DEPTOR: variants seen among roughly 807,000 people sequenced by gnomAD.
DEPTOR encodes DEP domain containing MTOR interacting protein.
Under a neutral mutation model 41.6 loss-of-function variants are expected in DEPTOR, and 41 were observed. The observed-to-expected ratio is 0.98, with a 90% CI of 0.77 to 1.28. DEPTOR has a LOEUF of 1.28. Ranked by LOEUF, DEPTOR falls within the 50% of genes most tolerant of loss-of-function variation. DEPTOR has a pLI of 0.00. For missense variants in DEPTOR, 514 were observed against 527.9 expected (o/e 0.97, Z 0.26); for synonymous variants, 195 against 192.3 (o/e 1.01, Z -0.12).
intron 8 of DEPTOR, among the ~76,000 whole-genome samples, chr8:120,028,052 A>G (rs139612904): frequency 1.6e-4 from 25 of 152,322 alleles, no homozygotes; most frequent in Non-Finnish European, 3.2e-4. Context: ...ATGTTGTTGG[A>G]TAAAGGGCTG....
chr8:120,035,084 G>A (rs140739932), intron 8 of DEPTOR, among the ~76,000 whole-genome samples: 1,605 of 152,196 alleles, frequency 0.011, 18 homozygotes, highest in Middle Eastern at 0.031. Context: ...TTGGGAGGCC[G>A]AGGCAGGCAG....
At chr8:120,048,204 G>A (rs1813182119) in intron 8 of DEPTOR, among the ~76,000 whole-genome samples, 1 of 152,150 alleles carries the variant, frequency 6.6e-6, no homozygotes, top group Non-Finnish European at 1.5e-5. Flanking sequence ...AGAAACCCCT[G>A]TATCTGTGGA....
At chr8:119,994,630 AAGTT>A (rs1812228883) in intron 4 of DEPTOR, among the ~76,000 whole-genome samples, 1 of 152,222 alleles carries the variant, frequency 6.6e-6, no homozygotes, top group Non-Finnish European at 1.5e-5. Flanking sequence ...TCTTTAAAGA[AAGTT>A]AGGCCAGGCG....
intron 1 of DEPTOR, among the ~76,000 whole-genome samples, chr8:119,897,111 G>C (rs7814293): frequency 0.024 from 3,592 of 152,232 alleles, 147 homozygotes; most frequent in African/African-American, 0.082. Flanking sequence ...TATGAGTGTA[G>C]TTGGTTATAT....
At chr8:119,953,438 C>T (rs1001191586) in intron 3 of DEPTOR, among the ~76,000 whole-genome samples, 1 of 151,982 alleles carries the variant, frequency 6.6e-6, no homozygotes, top group African/African-American at 2.4e-5. Flanking sequence ...CAAAAATTAG[C>T]TGGGCATGGT....
intron 1 of DEPTOR, among the ~76,000 whole-genome samples, chr8:119,889,496 A>T (rs1227563212): frequency 6.8e-6 from 1 of 147,966 alleles, no homozygotes; most frequent in Non-Finnish European, 1.5e-5. Flanking sequence ...GCAGTGAGCC[A>T]TGTTCGGGCT....
intron 8 of DEPTOR, among the ~76,000 whole-genome samples, chr8:120,044,023 T>C (rs1389700938): frequency 6.7e-6 from 1 of 150,176 alleles, no homozygotes; most frequent in African/African-American, 2.5e-5. Context: ...AAAAAAGAGA[T>C]TGCATTGGGG....
At chr8:119,945,392 G>T (rs76352422) in intron 3 of DEPTOR, among the ~76,000 whole-genome samples, 2,644 of 152,180 alleles carry the variant, frequency 0.017, 70 homozygotes, top group African/African-American at 0.061. Flanking sequence ...CTATGTTCTA[G>T]GCACCTTCCT....
At chr8:119,941,181 C>A (rs1359392212) in intron 3 of DEPTOR, among the ~76,000 whole-genome samples, 4 of 151,886 alleles carry the variant, frequency 2.6e-5, no homozygotes, top group Non-Finnish European at 5.9e-5. Flanking sequence ...CAAGACCAGC[C>A]TGACCAACAT....
At chr8:119,989,798 G>C (rs1216590490) in intron 4 of DEPTOR, among the ~76,000 whole-genome samples, 1 of 152,158 alleles carries the variant, frequency 6.6e-6, no homozygotes, top group Non-Finnish European at 1.5e-5. Flanking sequence ...TAATGTATTT[G>C]ATGACCTCAT....
intron 1 of DEPTOR, among the ~76,000 whole-genome samples, chr8:119,898,413 T>A (rs1351075654): frequency 2.6e-5 from 4 of 152,154 alleles, no homozygotes; most frequent in African/African-American, 9.7e-5. Context: ...TTGATTATGA[T>A]AATTTTAATT....
intron 6 of DEPTOR, among the ~76,000 whole-genome samples, chr8:120,003,354 C>T (rs944286678): frequency 1.7e-4 from 26 of 152,104 alleles, no homozygotes; most frequent in Non-Finnish European, 3.4e-4. Flanking sequence ...CTGGGATGGC[C>T]CTTCCAAGTT....
chr8:120,040,353 G>C (rs1813048019), intron 8 of DEPTOR, among the ~76,000 whole-genome samples: 1 of 151,994 alleles, frequency 6.6e-6, no homozygotes, highest in African/African-American at 2.4e-5. Context: ...GAGGCGGGCA[G>C]ATCTCGAGGT....
intron 3 of DEPTOR, among the ~76,000 whole-genome samples, chr8:119,938,539 A>G (rs1169265598): frequency 6.6e-6 from 1 of 151,952 alleles, no homozygotes; most frequent in Non-Finnish European, 1.5e-5. Flanking sequence ...TTGAGACAGA[A>G]TCTTGCTCTG....
intron 4 of DEPTOR, among the ~76,000 whole-genome samples, chr8:119,992,548 G>A (rs2130055959): frequency 6.6e-6 from 1 of 152,122 alleles, no homozygotes; most frequent in South Asian, 2.1e-4. Context: ...GCTGGATTCA[G>A]TTCACATGCT....
At chr8:119,882,506 C>T (rs1827311145) in intron 1 of DEPTOR, among the ~76,000 whole-genome samples, 1 of 151,862 alleles carries the variant, frequency 6.6e-6, no homozygotes, top group South Asian at 2.1e-4. Flanking sequence ...GTGATCCTTC[C>T]ACCTCAACCT....
At chr8:120,042,587 C>T (rs891748031) in intron 8 of DEPTOR, among the ~76,000 whole-genome samples, 5 of 152,134 alleles carry the variant, frequency 3.3e-5, no homozygotes, top group South Asian at 2.1e-4. Flanking sequence ...GGCACTATCT[C>T]GGCTCATTGC....
At chr8:119,898,408 TATG>T (rs1426595520) in intron 1 of DEPTOR, among the ~76,000 whole-genome samples, 1 of 152,116 alleles carries the variant, frequency 6.6e-6, no homozygotes, top group East Asian at 1.9e-4. Flanking sequence ...TGGTGTTGAT[TATG>T]ATAATTTTAA....
chr8:119,938,822 T>C (rs1359492789), intron 3 of DEPTOR, among the ~76,000 whole-genome samples: 1 of 151,946 alleles, frequency 6.6e-6, no homozygotes, highest in Non-Finnish European at 1.5e-5. Context: ...CCTGCCTGCC[T>C]TCCTTCTTTC....
Sources: allele counts gnomAD v4.1 joint callset (sites outside exome capture counted in the v4.1 genomes callset), GRCh38; gene constraint gnomAD v4.1.1; transcripts MANE v1.5; gene names NCBI Gene and HGNC (gene_info 2026-07-23, HGNC 2026-07-21).